Variants in GDA observed in about 807,000 individuals in gnomAD.
The protein encoded by GDA is guanine deaminase, also known as cytoplasmic PSD-95 interactor.
Under a neutral mutation model 59.6 loss-of-function variants are expected in GDA, and 18 were observed. The observed-to-expected ratio is 0.30, with a 90% confidence interval of 0.21 to 0.45. GDA has a LOEUF of 0.45. Ranked by LOEUF, GDA falls within the 20% of genes least tolerant of loss-of-function variation. The probability of loss-of-function intolerance (pLI) is 1.00; values close to 1 mark genes in which losing one functional copy is unlikely to be tolerated. For synonymous variants in GDA, 201 were observed against 201.1 expected, an observed-to-expected ratio of 1.00 and a Z score of 0.00; for missense variants, 427 against 552.3, an observed-to-expected ratio of 0.77 and a Z score of 2.27.
At chr9:72,232,288 CAGTT>C (rs1435371590) in intron 10 of GDA, among the ~76,000 whole-genome samples, 4 of 152,122 alleles carry the variant, frequency 2.6e-5, no homozygotes, top group African/African-American at 7.2e-5. Context: ...ACTCAAGTCT[CAGTT>C]TGTTATAGTG....
intron 2 of GDA, 57 bp from the exon 3 acceptor site, chr9:72,202,514 A>G (rs1011883867): frequency 6.8e-6 from 8 of 1,173,848 alleles, no homozygotes; most frequent in African/African-American, 1.5e-5. Flanking sequence ...TGATTTAAAA[A>G]TATGGGAAAT....
upstream of GDA, among the ~76,000 whole-genome samples, chr9:72,144,732 G>A (rs748846571): frequency 3.3e-5 from 5 of 152,130 alleles, no homozygotes; most frequent in Non-Finnish European, 5.9e-5. Flanking sequence ...TTGGGGGGCC[G>A]AGGGTGCTGC....
chr9:72,254,251 T>C (rs185849575), downstream of GDA, among the ~76,000 whole-genome samples: 737 of 152,324 alleles, frequency 4.8e-3, 2 homozygotes, highest in African/African-American at 0.017. Context: ...TACCACATCA[T>C]TGTAAGACTA....
At chr9:72,224,324 G>A (rs1837277276) in intron 7 of GDA, among the ~76,000 whole-genome samples, 1 of 152,160 alleles carries the variant, frequency 6.6e-6, no homozygotes, top group Non-Finnish European at 1.5e-5. Flanking sequence ...CATTTCATCG[G>A]TGGTCTGGGA....
intron 1 of GDA, among the ~76,000 whole-genome samples, chr9:72,125,862 T>C (rs1002634811): frequency 6.6e-6 from 1 of 152,170 alleles, no homozygotes; most frequent in East Asian, 1.9e-4. Flanking sequence ...TATTACATAG[T>C]AGATATGGCT....
At chr9:72,220,710 C>T (rs184385779) in intron 6 of GDA, among the ~76,000 whole-genome samples, 1 of 152,196 alleles carries the variant, frequency 6.6e-6, no homozygotes, top group East Asian at 1.9e-4. Flanking sequence ...TTGGGGACTG[C>T]TTGGTGGCCA....
intron 1 of GDA, among the ~76,000 whole-genome samples, chr9:72,160,469 T>G (rs1274158349): frequency 6.6e-6 from 1 of 152,236 alleles, no homozygotes; most frequent in Non-Finnish European, 1.5e-5. Flanking sequence ...TTCGGATAGA[T>G]GGACACATAT....
chr9:72,117,995 A>G (rs533093071), intron 1 of GDA, among the ~76,000 whole-genome samples: 1 of 152,264 alleles, frequency 6.6e-6, no homozygotes, highest in East Asian at 1.9e-4. Context: ...AATTCAGGCC[A>G]GGCGCGGTGG....
At chr9:72,131,421 A>C (rs1396373192) in intron 1 of GDA, among the ~76,000 whole-genome samples, 1 of 151,752 alleles carries the variant, frequency 6.6e-6, no homozygotes, top group African/African-American at 2.4e-5. Context: ...CAGCGAACTG[A>C]ATGAGCAAGA....
chr9:72,171,107 A>G (rs2130952293), intron 1 of GDA, among the ~76,000 whole-genome samples: 1 of 152,050 alleles, frequency 6.6e-6, no homozygotes, highest in East Asian at 1.9e-4. Context: ...GTGAGCCACC[A>G]TCCACCGTGC....
Position 72,250,599 on chromosome 9 carries a change from C to T in GDA, c.*2257C>T, listed in dbSNP as rs1840585193. ...GTTATGTATGCTTTTTTTTCTGTAC[C>T]ACAGGCATTATCTATACCTGGGGCC... On this transcript the variant is annotated 3_prime_UTR_variant, in exon 14 of 14. Coordinates refer to ENST00000358399, the MANE Select transcript of GDA (RefSeq NM_004293.5). 2 of 1,527,076 alleles carry T rather than the reference C, an allele frequency of 1.3e-6. No homozygotes were observed. The highest frequency in any genetic ancestry group is 2.3e-5 in the Admixed American group (1 of 42,922). 94.6% of individuals were successfully genotyped at this position (1,527,076 alleles called of 1,614,324 possible). A position where few individuals can be genotyped will look rare whatever the true frequency, so the allele number is the denominator to read the frequency against.
At position 72,149,536 on chromosome 9, in the gene GDA, C is replaced by T. The variant is rs780438788; in HGVS notation, c.-24C>T. 6.2e-7 allele frequency: 1 copy of T among 1,607,018 alleles called. No individual in the cohort carries two copies. Among genetic ancestry groups the T allele is most frequent in the Non-Finnish European group, 8.5e-7 (1 of 1,178,414 alleles). On this transcript the variant is annotated 5_prime_UTR_variant, in exon 1 of 14. Coordinates refer to ENST00000358399, the MANE Select transcript of GDA (RefSeq NM_004293.5). ...GCGTGCGCCCTCCTCGACCAGCAGA[C>T]CCGCGCTGCGCTCCGCCGCTGACAT...
chr9:72,148,314 TGTGTGTGTG>T (rs1826774534), upstream of GDA, among the ~76,000 whole-genome samples: 2 of 2,148 alleles, frequency 9.3e-4, no homozygotes, highest in Non-Finnish European at 0.015. Flanking sequence ...TGTGTATGTG[TGTGTGTGTG>T]TGTGTGTGTG....
In GDA at chr9:72,250,892, G is replaced by T; in HGVS notation, c.*2550G>T. ...TATCATAAATTCACAAAATATTTTT[G>T]CAACCAGAACACAAAAGCAGGCTAG... On this transcript the variant is annotated 3_prime_UTR_variant, in exon 14 of 14. Coordinates refer to ENST00000358399, the MANE Select transcript of GDA (RefSeq NM_004293.5). 6.5e-7 allele frequency: 1 copy of T among 1,527,208 alleles called. No individual in the cohort carries two copies. Among genetic ancestry groups the T allele is most frequent in the South Asian group, 1.1e-5 (1 of 88,574 alleles). 94.6% of individuals were successfully genotyped at this position (1,527,208 alleles called of 1,614,324 possible).
chr9:72,146,897 G>A (rs1301379969), upstream of GDA, among the ~76,000 whole-genome samples: 1 of 152,172 alleles, frequency 6.6e-6, no homozygotes, highest in Non-Finnish European at 1.5e-5. Context: ...ACTGGGAATG[G>A]AAGTGGAACT....
At chr9:72,207,399 C>T (rs1376296374) in intron 3 of GDA, among the ~76,000 whole-genome samples, 1 of 152,222 alleles carries the variant, frequency 6.6e-6, no homozygotes, top group Admixed American at 6.5e-5. Flanking sequence ...AAATCATTAA[C>T]TCACTCTTAC....
At position 72,149,692 on chromosome 9, in the gene GDA, C is replaced by T. The variant is rs369140454; in HGVS notation, c.123+10C>T. 1.6e-5 allele frequency: 25 copies of T among 1,593,642 alleles called. No homozygotes were observed. In the African/African-American group the frequency reaches 2.9e-4, roughly 18 times the overall value. ...GAGCGACAGCGGCAAAGTAAGCAGG[C>T]GCGGGGTCGAGCGCACTCCGACGGG... On this transcript the variant is annotated intron_variant, in intron 1 of 13. Transcript: ENST00000358399.
rs775717186 is a variant in GDA at position 72,225,725 on chromosome 9, T to C, written c.763T>C (p.Tyr255His). Residue 255 changes from tyrosine to histidine, a missense_variant, in exon 8 of 14, where the codon TAC becomes CAC. Coordinates refer to ENST00000358399, the MANE Select transcript of GDA (RefSeq NM_004293.5). Reference sequence around the variant, plus strand: ...TGAAGTTGAAGCTGTGAAAAACTTATACCCCAGTTATAAAAACTACACATC... The same window carrying C: ...TGAAGTTGAAGCTGTGAAAAACTTACACCCCAGTTATAAAAACTACACATC... Reference protein sequence around the residue: ...RDEVEAVKNLYPSYKNYTSVY... With the variant: ...RDEVEAVKNLHPSYKNYTSVY... 4 of 1,557,194 alleles carry C rather than the reference T, an allele frequency of 2.6e-6. No homozygotes were observed. The Admixed American group carries it at 7.0e-5, about 27-fold the overall frequency.
chr9:72,144,895 T>C (rs1199904238), upstream of GDA, among the ~76,000 whole-genome samples: 1 of 151,910 alleles, frequency 6.6e-6, no homozygotes, highest in African/African-American at 2.4e-5. Flanking sequence ...TATCTTTTTT[T>C]TTTTTTTCTC....
Sources: allele counts gnomAD v4.1 joint callset (sites outside exome capture counted in the v4.1 genomes callset), GRCh38; gene constraint gnomAD v4.1.1; transcripts MANE v1.5; gene names NCBI Gene and HGNC (gene_info 2026-07-23, HGNC 2026-07-21).